PAIP1: variants seen among roughly 807,000 people sequenced by gnomAD.
The protein encoded by PAIP1 is polyadenylate-binding protein-interacting protein 1.
In PAIP1, 16 loss-of-function variants were observed where a neutral mutation model predicts 61.3. The observed-to-expected ratio is 0.26, with a 90% CI of 0.18 to 0.40. The LOEUF (loss-of-function observed/expected upper bound fraction) is 0.40, where lower values mean the gene tolerates loss of function less well. Among genes scored for constraint, PAIP1 ranks in the 10% least tolerant of loss-of-function variants. The pLI is 1.00. For synonymous variants in PAIP1, 187 were observed against 226.2 expected (o/e 0.83, Z 1.56); for missense variants, 416 against 600.9 (o/e 0.69, Z 3.22).
At chr5:43,556,539 G>A in intron 1 of PAIP1, 43 bp downstream of exon 1, 3 of 1,241,622 alleles carry the variant, frequency 2.4e-6, no homozygotes, top group Non-Finnish European at 3.0e-6. Context: ...CCGTGGGGAA[G>A]CGTTCGCCAA....
At chr5:43,529,951 G>C in intron 9 of PAIP1, 72 bp from the exon 10 acceptor site, 1 of 756,152 alleles carries the variant, frequency 1.3e-6, no homozygotes, top group Non-Finnish European at 2.4e-6. Context: ...ACCCCTAAAT[G>C]TTTTTTAATA....
At chr5:43,527,621 C>T (rs561005162) in intron 10 of PAIP1, 152 bp from the exon 11 acceptor site, 49 of 587,420 alleles carry the variant, frequency 8.3e-5, no homozygotes, top group African/African-American at 8.1e-4. Context: ...TGGCAGTCTT[C>T]GGACAACCAA....
chr5:43,536,986 A>G (rs375491951), intron 5 of PAIP1, 42 bp from the exon 6 acceptor site: 14 of 1,465,940 alleles, frequency 9.6e-6, no homozygotes, highest in Non-Finnish European at 9.3e-7. Flanking sequence ...TGATGCCAAA[A>G]TATAATACAG....
chr5:43,530,554 A>G (rs1746893340), intron 9 of PAIP1, among the ~76,000 whole-genome samples: 1 of 152,242 alleles, frequency 6.6e-6, no homozygotes, highest in Non-Finnish European at 1.5e-5. Flanking sequence ...GCCAACGGAA[A>G]TTTTGCAATT....
intron 3 of PAIP1, among the ~76,000 whole-genome samples, chr5:43,545,447 C>G (rs920079617): frequency 6.6e-6 from 1 of 152,170 alleles, no homozygotes; most frequent in African/African-American, 2.4e-5. Context: ...AATTTCAAAC[C>G]GGCTGTTCAG....
At chr5:43,553,402 T>A (rs1747939765) in intron 2 of PAIP1, among the ~76,000 whole-genome samples, 1 of 152,102 alleles carries the variant, frequency 6.6e-6, no homozygotes, top group South Asian at 2.1e-4. Flanking sequence ...AAAAGCAGAT[T>A]CAATAAATGT....
intron 3 of PAIP1, among the ~76,000 whole-genome samples, chr5:43,544,629 C>T (rs1476148424): frequency 6.6e-6 from 1 of 152,132 alleles, no homozygotes; most frequent in African/African-American, 2.4e-5. Flanking sequence ...ACTTGAGCAT[C>T]CCTGTCCAAA....
intron 9 of PAIP1, among the ~76,000 whole-genome samples, chr5:43,531,676 A>AAAAAAAAAAAAAAAAAAAAAAAAAAG (rs70997407): frequency 2.1e-5 from 3 of 143,010 alleles, no homozygotes; most frequent in East Asian, 4.6e-4. Flanking sequence ...AAAAAAAAAA[A>AAAAAAAAAAAAAAAAAAAAAAAAAAG]AGAGAAAAAA....
At chr5:43,528,995 T>C (rs1031661390) in intron 10 of PAIP1, among the ~76,000 whole-genome samples, 9 of 152,132 alleles carry the variant, frequency 5.9e-5, no homozygotes, top group African/African-American at 1.7e-4. Flanking sequence ...AATTAACATC[T>C]TCTTATCAGT....
At chr5:43,551,081 T>C (rs1249714207) in intron 2 of PAIP1, among the ~76,000 whole-genome samples, 2 of 152,022 alleles carry the variant, frequency 1.3e-5, no homozygotes, top group Non-Finnish European at 2.9e-5. Flanking sequence ...AAGGAGATCT[T>C]AGAGGGCTTT....
At chr5:43,548,043 A>G in intron 2 of PAIP1, 130 bp from the exon 3 acceptor site, 2 of 587,696 alleles carry the variant, frequency 3.4e-6, no homozygotes, top group South Asian at 5.0e-5. Flanking sequence ...CATCAATAAA[A>G]TTGTCAATTG....
intron 5 of PAIP1, among the ~76,000 whole-genome samples, chr5:43,538,421 A>G (rs1330770637): frequency 3.3e-5 from 5 of 152,236 alleles, no homozygotes; most frequent in Non-Finnish European, 5.9e-5. Context: ...ATGTATGCAT[A>G]TATCAAAGTG....
chr5:43,556,488 G>A lies in PAIP1; in HGVS notation c.265+94C>T, dbSNP rs868670214. ...AATGCTTTCGGGGAACCGGGGGTGG[G>A]GACCGCAGACAGCGCGTCGGGCCTC... On this transcript the variant is annotated intron_variant, in intron 1 of 10. Transcript: ENST00000306846. 201 of 1,205,388 alleles carry A rather than the reference G, an allele frequency of 1.7e-4. 1 individual carries two copies. In the Middle Eastern group the frequency reaches 7.3e-3, roughly 44 times the overall value. 74.7% of individuals were successfully genotyped at this position (1,205,388 alleles called of 1,614,324 possible). A position where few individuals can be genotyped will look rare whatever the true frequency, so the allele number is the denominator to read the frequency against.
intron 9 of PAIP1, among the ~76,000 whole-genome samples, chr5:43,530,201 C>CCT (rs1746882056): frequency 1.3e-5 from 2 of 152,208 alleles, no homozygotes; most frequent in Admixed American, 6.5e-5. Context: ...CCTCTGTACT[C>CCT]CTCCACAAGG....
intron 2 of PAIP1, among the ~76,000 whole-genome samples, chr5:43,549,867 T>G (rs914501232): frequency 6.6e-6 from 1 of 152,022 alleles, no homozygotes; most frequent in African/African-American, 2.4e-5. Flanking sequence ...ACTACAGGCA[T>G]GTACCACCAG....
At chr5:43,548,855 TAA>T (rs1747744310) in intron 2 of PAIP1, among the ~76,000 whole-genome samples, 1 of 152,162 alleles carries the variant, frequency 6.6e-6, no homozygotes, top group South Asian at 2.1e-4. Flanking sequence ...GTGAAGGGGT[TAA>T]GTTCTAAAGT....
Position 43,557,064 on chromosome 5 carries a change from A to C in PAIP1, c.-218T>G. On this transcript the variant is annotated 5_prime_UTR_variant, in exon 1 of 11. Coordinates refer to ENST00000306846, the MANE Select transcript of PAIP1 (RefSeq NM_006451.5). ...TCCAGAGCGCCCGCCCCGCTCGGCT[A>C]CCCTCGGCTTTCCAGTTCTCCCCCA... is the stretch of plus-strand genomic sequence containing the variant. The C allele has an allele frequency of 1.2e-6, 1 of 854,752 alleles. No homozygotes were observed. The highest frequency in any genetic ancestry group is 4.1e-4 in the Middle Eastern group (1 of 2,444). 52.9% of individuals were successfully genotyped at this position (854,752 alleles called of 1,614,324 possible).
chr5:43,530,846 T>C (rs935110314), intron 9 of PAIP1, among the ~76,000 whole-genome samples: 2 of 152,110 alleles, frequency 1.3e-5, no homozygotes, highest in African/African-American at 4.8e-5. Flanking sequence ...ACAGATGATG[T>C]TGGTCTCGGT....
At position 43,556,780 on chromosome 5, in the gene PAIP1, C is replaced by G; in HGVS notation, c.67G>C (p.Gly23Arg). 2 of 1,440,946 alleles carry G rather than the reference C, an allele frequency of 1.4e-6. No individual in the cohort carries two copies. Among genetic ancestry groups the G allele is most frequent in the South Asian group, 1.4e-5 (1 of 72,232 alleles). The allele number at this position is 1,440,946 out of a possible 1,614,324, so 89.3% of individuals were successfully genotyped here. A position where few individuals can be genotyped will look rare whatever the true frequency, so the allele number is the denominator to read the frequency against. The change falls in exon 1 of 11, where the codon GGG (glycine) becomes CGG (arginine). Residue 23 changes from glycine to arginine, a missense_variant. Coordinates refer to ENST00000306846, the MANE Select transcript of PAIP1 (RefSeq NM_006451.5). Reference sequence around the variant, plus strand: ...AAACCGCCGCCCTCAGGCCCGCCCCCTCCGCGGCCCAGGCCCCGGCTCCGG... The same window carrying G: ...AAACCGCCGCCCTCAGGCCCGCCCCGTCCGCGGCCCAGGCCCCGGCTCCGG... ...RGRSRGLGRGGGGPEGGGFPN... is the reference protein window; with the variant it reads ...RGRSRGLGRGRGGPEGGGFPN...
Sources: gnomAD v4.1 joint callset for allele counts (sites outside exome capture counted in the v4.1 genomes callset) on GRCh38, gnomAD v4.1.1 for gene constraint, MANE v1.5 for transcripts, NCBI Gene and HGNC (gene_info 2026-07-23, HGNC 2026-07-21) for gene names.